Variants in ADGRG5 observed in about 807,000 individuals in gnomAD.
ADGRG5 encodes adhesion G protein-coupled receptor G5.
A neutral mutation model predicts 53.2 loss-of-function variants in ADGRG5; 37 were observed. The observed-to-expected ratio is 0.70, with a 90% CI of 0.53 to 0.91. The LOEUF (loss-of-function observed/expected upper bound fraction) is 0.91, where lower values mean the gene tolerates loss of function less well. Ranked by LOEUF, ADGRG5 falls within the 40% of genes least tolerant of loss-of-function variation. ADGRG5 has a pLI of 0.00. For synonymous variants in ADGRG5, 277 were observed against 290.4 expected (o/e 0.95, Z 0.47); for missense variants, 614 against 675.8 (o/e 0.91, Z 1.01).
At chr16:57,546,135 T>C (rs1292795824) in intron 1 of ADGRG5, among the ~76,000 whole-genome samples, 2 of 152,066 alleles carry the variant, frequency 1.3e-5, no homozygotes, top group African/African-American at 2.4e-5. Flanking sequence ...TCTATTTATT[T>C]ATTTTTGATA....
the ADGRG5 span, among the ~76,000 whole-genome samples, chr16:57,537,167 G>A: frequency 6.6e-6 from 1 of 152,176 alleles, no homozygotes; most frequent in African/African-American, 2.4e-5. Flanking sequence ...AGGCCCTGGG[G>A]AATTACGGTA....
chr16:57,570,780 C>T (rs1304225288), intron 10 of ADGRG5, among the ~76,000 whole-genome samples: 1 of 152,212 alleles, frequency 6.6e-6, no homozygotes, highest in African/African-American at 2.4e-5. Context: ...GCTCGCCAAC[C>T]TGCCAGGGCA....
intron 1 of ADGRG5, among the ~76,000 whole-genome samples, chr16:57,547,786 G>A (rs1336553729): frequency 1.3e-5 from 2 of 151,062 alleles, no homozygotes; most frequent in Non-Finnish European, 2.9e-5. Context: ...GTCTCACTCT[G>A]TCATCCTGGC....
chr16:57,537,028 CTCAGTT>C, the ADGRG5 span, among the ~76,000 whole-genome samples: 165 of 152,306 alleles, frequency 1.1e-3, no homozygotes, highest in African/African-American at 3.8e-3. Flanking sequence ...CCCATCGGGC[CTCAGTT>C]TCTCTTTCTG....
intron 1 of ADGRG5, among the ~76,000 whole-genome samples, chr16:57,544,884 A>G (rs764535396): frequency 3.9e-5 from 6 of 151,988 alleles, no homozygotes; most frequent in Non-Finnish European, 8.8e-5. Flanking sequence ...TAATCCTCTC[A>G]TCTCAGCCTC....
intron 10 of ADGRG5, among the ~76,000 whole-genome samples, chr16:57,570,811 T>C (rs1182373033): frequency 6.6e-6 from 1 of 152,180 alleles, no homozygotes. Flanking sequence ...CCGCCTCCTC[T>C]GTCCTGCCCT....
At chr16:57,546,105 T>C (rs1264068503) in intron 1 of ADGRG5, among the ~76,000 whole-genome samples, 3 of 152,128 alleles carry the variant, frequency 2.0e-5, no homozygotes, top group Non-Finnish European at 4.4e-5. Context: ...GGATTACAGG[T>C]GTGAGCCACC....
rs1352608501 is a variant in ADGRG5, at chr16:57,563,842, C to T, written c.298-6C>T. 6.2e-7 allele frequency: 1 copy of T among 1,613,454 alleles called. No individual in the cohort carries two copies. The highest frequency in any genetic ancestry group is 2.2e-5 in the East Asian group (1 of 44,878). ...TGCCAAACAGCCTGTTTGCGACCCT[C>T]TGCAGGCAGGAGGTCAGCATGCCCG... On this transcript the variant is annotated splice_region_variant and splice_polypyrimidine_tract_variant and intron_variant, in intron 4 of 11. Transcript: ENST00000349457.
chr16:57,531,240 C>T, the ADGRG5 span, among the ~76,000 whole-genome samples: 1 of 152,066 alleles, frequency 6.6e-6, no homozygotes, highest in Non-Finnish European at 1.5e-5. Flanking sequence ...CCCCCCGTGA[C>T]CAGCTCCTCC....
the ADGRG5 span, among the ~76,000 whole-genome samples, chr16:57,535,610 C>G: frequency 6.6e-6 from 1 of 152,116 alleles, no homozygotes; most frequent in African/African-American, 2.4e-5. Flanking sequence ...GGTGAACCTT[C>G]ATGGGGACCC....
rs1284407499 is a variant in ADGRG5 at position 57,574,733 on chromosome 16, G to C, written c.1209-82G>C. ...ACAATAGGGCCTGAGCCAGGAGACC[G>C]AGTGGGGCTTCAGGGAGTGATGCTG... On this transcript the variant is annotated intron_variant, in intron 10 of 11. Transcript: ENST00000349457. The surrounding 1 kb of genome is among the most constrained non-coding windows in gnomAD (Gnocchi z 4.4). The C allele has an allele frequency of 1.4e-6, 2 of 1,422,318 alleles. No individual in the cohort carries two copies. The highest frequency in any genetic ancestry group is 1.4e-5 in the African/African-American group (1 of 70,298). The allele number at this position is 1,422,318 out of a possible 1,614,324, so 88.1% of individuals were successfully genotyped here. A position where few individuals can be genotyped will look rare whatever the true frequency, so the allele number is the denominator to read the frequency against.
intron 1 of ADGRG5, among the ~76,000 whole-genome samples, chr16:57,550,740 A>G (rs1408416490): frequency 6.6e-6 from 1 of 152,118 alleles, no homozygotes; most frequent in Non-Finnish European, 1.5e-5. Context: ...TATAAAAGTG[A>G]TGCTTACGGC....
intron 1 of ADGRG5, among the ~76,000 whole-genome samples, chr16:57,558,712 G>A (rs1168417773): frequency 3.3e-5 from 5 of 152,160 alleles, no homozygotes. Flanking sequence ...CTTATTGGTT[G>A]GGGGATCTTG....
At position 57,575,061 on chromosome 16, in the gene ADGRG5, G is replaced by T. The variant is rs1334616121; in HGVS notation, c.1455G>T (p.Leu485=). The T allele has an allele frequency of 2.5e-6, 4 of 1,613,778 alleles. No individual in the cohort carries two copies. The highest frequency in any genetic ancestry group is 2.5e-6 in the Non-Finnish European group (3 of 1,179,948). Residue 485 remains leucine, a synonymous_variant, in exon 11 of 12, where the codon CTG becomes CTT. Coordinates refer to ENST00000349457, the MANE Select transcript of ADGRG5 (RefSeq NM_001304376.3). ...FSFGVFLLPQ[L]FLFTILNSLY... ...TTGGCGTCTTCCTGCTGCCCCAGCT[G>T]TTCCTCTTCACCATCTTAAACTCGC...
chr16:57,537,606 T>C, the ADGRG5 span, among the ~76,000 whole-genome samples: 1 of 152,316 alleles, frequency 6.6e-6, no homozygotes, highest in African/African-American at 2.4e-5. Context: ...CAAAAATATT[T>C]GAGAGCTTCC....
chr16:57,566,928 T>C (rs551181318), intron 7 of ADGRG5, among the ~76,000 whole-genome samples, 177 bp downstream of exon 7: 1 of 152,338 alleles, frequency 6.6e-6, no homozygotes, highest in South Asian at 2.1e-4. Flanking sequence ...GCTTCAGGCA[T>C]GGCTTGATCC....
the ADGRG5 span, among the ~76,000 whole-genome samples, chr16:57,533,720 A>G: frequency 2.7e-5 from 4 of 150,700 alleles, no homozygotes; most frequent in African/African-American, 7.4e-5. Flanking sequence ...AGCCCCGGTA[A>G]TGCACAGACT....
chr16:57,563,341 C>T, intron 4 of ADGRG5, 94 bp downstream of exon 4: 1 of 1,109,264 alleles, frequency 9.0e-7, no homozygotes, highest in South Asian at 1.3e-5. Flanking sequence ...GCTCCACTGT[C>T]TTCCTCCCCA....
At chr16:57,559,012 AT>A (rs10564046) in intron 1 of ADGRG5, among the ~76,000 whole-genome samples, 9,636 of 139,516 alleles carry the variant, frequency 0.069, 490 homozygotes, top group East Asian at 0.22. Flanking sequence ...CATCTGCCTA[AT>A]TTTTTTTTTT....
Sources: gnomAD v4.1 joint callset for allele counts (sites outside exome capture counted in the v4.1 genomes callset) on GRCh38, gnomAD v4.1.1 for gene constraint, Gnocchi (gnomAD v3.1) non-coding constraint, MANE v1.5 for transcripts, NCBI Gene and HGNC (gene_info 2026-07-23, HGNC 2026-07-21) for gene names.